Variants in ZBTB40 observed in about 807,000 individuals in gnomAD.
ZBTB40 encodes the protein zinc finger and BTB domain-containing protein 40.
A neutral mutation model predicts 117.5 loss-of-function variants in ZBTB40; 60 were observed. The observed-to-expected ratio is 0.51, with a 90% CI of 0.41 to 0.63. The LOEUF is 0.63. ZBTB40 is among the 30% of genes least tolerant of loss of function. ZBTB40 has a pLI of 0.00. For synonymous variants in ZBTB40, 525 were observed against 577.1 expected (o/e 0.91, Z 1.29); for missense variants, 1,287 against 1,498.5 (o/e 0.86, Z 2.33).
At chr1:22,502,601 C>T (rs1638968234) in intron 5 of ZBTB40, among the ~76,000 whole-genome samples, 160 bp downstream of exon 5, 1 of 152,140 alleles carries the variant, frequency 6.6e-6, no homozygotes, top group African/African-American at 2.4e-5. Flanking sequence ...TGTTGCATTC[C>T]TCGCGGTAGC....
At chr1:22,473,609 G>A (rs1454310564) in intron 1 of ZBTB40, among the ~76,000 whole-genome samples, 2 of 152,194 alleles carry the variant, frequency 1.3e-5, no homozygotes, top group African/African-American at 2.4e-5. Flanking sequence ...CCAGCCATGC[G>A]ATGTGAATTG....
Position 22,498,336 on chromosome 1 carries a change from A to G in ZBTB40, c.832-3156A>G, listed in dbSNP as rs894853271. Among the ~76,000 whole-genome samples the G allele has an allele frequency of 3.3e-4, 50 of 152,198 alleles. 2 individuals are homozygous for G. Among genetic ancestry groups the G allele is most frequent in the Admixed American group, 3.3e-3 (50 of 15,284 alleles). On this transcript the variant is annotated intron_variant, in intron 3 of 17. Coordinates refer to ENST00000375647, the MANE Select transcript of ZBTB40 (RefSeq NM_014870.4). ...GAATCCCTGCCTATCCTAATATCCTAATACCCTTCTGTTTAGGCAGAGAAA... is the reference window on the plus strand; with the variant it reads ...GAATCCCTGCCTATCCTAATATCCTGATACCCTTCTGTTTAGGCAGAGAAA...
chr1:22,437,771 C>A (rs1640688433), intron 1 of ZBTB40, among the ~76,000 whole-genome samples: 1 of 150,904 alleles, frequency 6.6e-6, no homozygotes, highest in East Asian at 2.0e-4. Context: ...TTACGAAATA[C>A]AATCATAATG....
At chr1:22,454,111 G>A (rs1170832031) in intron 1 of ZBTB40, among the ~76,000 whole-genome samples, 4 of 152,054 alleles carry the variant, frequency 2.6e-5, no homozygotes, top group East Asian at 3.9e-4. Context: ...CACGACACCC[G>A]GCTAATTTTT....
chr1:22,517,571 G>A (rs1018983708), intron 13 of ZBTB40, 107 bp downstream of exon 13: 3 of 1,365,182 alleles, frequency 2.2e-6, no homozygotes, highest in Non-Finnish European at 3.0e-6. Context: ...TCCATTCAGT[G>A]CATTCCCCTT....
intron 1 of ZBTB40, among the ~76,000 whole-genome samples, chr1:22,429,603 G>A (rs1640550052): frequency 6.6e-6 from 1 of 151,990 alleles, no homozygotes. Flanking sequence ...ATTATATACC[G>A]GGTTCCCAGT....
intron 17 of ZBTB40, among the ~76,000 whole-genome samples, chr1:22,524,839 C>T (rs1165895836): frequency 1.3e-5 from 2 of 152,242 alleles, no homozygotes; most frequent in South Asian, 2.1e-4. Flanking sequence ...TACACACTTG[C>T]ACACACCTGG....
chr1:22,513,750 AGGC>A lies in ZBTB40; in HGVS notation c.2668+621_2668+623del, dbSNP rs1441822836. 1.3e-5 allele frequency among the ~76,000 whole-genome samples: 2 copies of A among 152,224 alleles called. No individual in the cohort carries two copies. The highest frequency in any genetic ancestry group is 2.9e-5 in the Non-Finnish European group (2 of 68,036). ...AATTAAAAAACAATGCACAACCTCT[AGGC>A]AAACAGACGACTGGGAATAGCTCTG... On this transcript the variant is annotated intron_variant, in intron 12 of 17. Coordinates refer to ENST00000375647, the MANE Select transcript of ZBTB40 (RefSeq NM_014870.4). This position sits in a 1 kb window ranked among gnomAD's most constrained non-coding sequence, Gnocchi z 4.9.
At chr1:22,456,213 T>A (rs1362572966) in intron 1 of ZBTB40, among the ~76,000 whole-genome samples, 2 of 152,178 alleles carry the variant, frequency 1.3e-5, no homozygotes, top group African/African-American at 4.8e-5. Context: ...TTTCTGTAAG[T>A]CTAGCAGAGA....
chr1:22,473,028 A>G (rs116043880), intron 1 of ZBTB40, among the ~76,000 whole-genome samples: 1 of 152,198 alleles, frequency 6.6e-6, no homozygotes, highest in African/African-American at 2.4e-5. Flanking sequence ...GGGCAGGTGC[A>G]AAAGAGGGAT....
At chr1:22,452,402 C>CT (rs1227466502) in intron 1 of ZBTB40, among the ~76,000 whole-genome samples, 2 of 152,246 alleles carry the variant, frequency 1.3e-5, no homozygotes, top group Non-Finnish European at 2.9e-5. Flanking sequence ...CCATGCCCCC[C>CT]TTCTCTCTTC....
upstream of ZBTB40, among the ~76,000 whole-genome samples, chr1:22,447,863 G>C (rs1640807626): frequency 6.6e-6 from 1 of 152,150 alleles, no homozygotes. Flanking sequence ...GCTTCATTTG[G>C]ACTGGAAAAA....
intron 3 of ZBTB40, among the ~76,000 whole-genome samples, chr1:22,494,310 A>G (rs1638714066): frequency 6.6e-6 from 1 of 152,264 alleles, no homozygotes; most frequent in Admixed American, 6.5e-5. Context: ...CTGCAAGGGC[A>G]GTGTCTAGTC....
intron 14 of ZBTB40, among the ~76,000 whole-genome samples, chr1:22,521,220 T>G (rs1303095206): frequency 6.6e-6 from 1 of 152,188 alleles, no homozygotes; most frequent in Non-Finnish European, 1.5e-5. Context: ...CTAGGAAGAC[T>G]CTAACACCTC....
At position 22,521,699 on chromosome 1, in the gene ZBTB40, G is replaced by C. The variant is rs373034313; in HGVS notation, c.3211+41G>C. On this transcript the variant is annotated intron_variant, in intron 15 of 17. Coordinates refer to ENST00000375647, the MANE Select transcript of ZBTB40 (RefSeq NM_014870.4). ...CGCCGGCAGAGAGCGGGAGGGGCTT[G>C]ATGGTGTAGCCTCCTGGGCCCCACC... is the stretch of plus-strand genomic sequence containing the variant. 8.0e-5 allele frequency: 129 copies of C among 1,613,784 alleles called. 1 individual carries two copies. In the East Asian group the frequency reaches 1.3e-3, roughly 16 times the overall value.
intron 3 of ZBTB40, among the ~76,000 whole-genome samples, chr1:22,492,937 C>A (rs1638672507): frequency 6.6e-6 from 1 of 152,232 alleles, no homozygotes; most frequent in Admixed American, 6.5e-5. Flanking sequence ...CACACCTCTT[C>A]ATTTTCTCTT....
chr1:22,511,473 T>C (rs1639231148), intron 10 of ZBTB40, 126 bp downstream of exon 10: 6 of 1,378,338 alleles, frequency 4.4e-6, no homozygotes, highest in East Asian at 2.5e-5. Context: ...TTATATGCTC[T>C]GAATACCTAA....
intron 1 of ZBTB40, among the ~76,000 whole-genome samples, chr1:22,469,379 G>A (rs1187559993): frequency 2.0e-5 from 3 of 151,836 alleles, no homozygotes; most frequent in Non-Finnish European, 4.4e-5. Context: ...CTGTTCGCAG[G>A]TGTGATCAAA....
At chr1:22,489,838 G>T in intron 1 of ZBTB40, 42 bp from the exon 2 acceptor site, 1 of 1,005,402 alleles carries the variant, frequency 9.9e-7, no homozygotes, top group Non-Finnish European at 1.6e-6. Context: ...TTTCCCTATG[G>T]TTTTTTGAAG....
Sources: allele counts gnomAD v4.1 joint callset (sites outside exome capture counted in the v4.1 genomes callset), GRCh38; gene constraint gnomAD v4.1.1; non-coding constraint Gnocchi (gnomAD v3.1); transcripts MANE v1.5; gene names NCBI Gene and HGNC (gene_info 2026-07-23, HGNC 2026-07-21).